Variants in OSBPL10 observed in about 807,000 individuals in gnomAD.
OSBPL10 encodes oxysterol-binding protein-related protein 10.
OSBPL10 carries 49 observed loss-of-function variants against 81.7 expected under a neutral mutation model. The observed-to-expected ratio is 0.60, with a 90% CI of 0.48 to 0.76. The LOEUF (loss-of-function observed/expected upper bound fraction) is 0.76, where lower values mean the gene tolerates loss of function less well. OSBPL10 is among the 30% of genes least tolerant of loss of function. OSBPL10 has a pLI of 0.00. For missense variants in OSBPL10, 923 were observed against 987.8 expected, an observed-to-expected ratio of 0.93 and a Z score of 0.88; for synonymous variants, 419 against 383.6, an observed-to-expected ratio of 1.09 and a Z score of -1.08.
At chr3:31,750,984 G>C (rs930366579) in intron 4 of OSBPL10, among the ~76,000 whole-genome samples, 1 of 152,024 alleles carries the variant, frequency 6.6e-6, no homozygotes, top group Non-Finnish European at 1.5e-5. Context: ...CACGTGCTCA[G>C]AGATGAAATC....
chr3:32,026,023 G>GATAGATAGATAA (rs1699403456), intron 2 of OSBPL10, among the ~76,000 whole-genome samples: 3 of 120,978 alleles, frequency 2.5e-5, no homozygotes, highest in African/African-American at 9.9e-5. Context: ...TAGATAGATA[G>GATAGATAGATAA]ATAGATAGAT....
At chr3:31,969,006 G>A (rs1698481148) in intron 1 of OSBPL10, among the ~76,000 whole-genome samples, 1 of 151,960 alleles carries the variant, frequency 6.6e-6, no homozygotes, top group Admixed American at 6.5e-5. Flanking sequence ...AAACTTTTTA[G>A]AGACGAGGCC....
At chr3:31,760,013 T>C (rs939682063) in intron 4 of OSBPL10, among the ~76,000 whole-genome samples, 1 of 152,142 alleles carries the variant, frequency 6.6e-6, no homozygotes, top group African/African-American at 2.4e-5. Context: ...CTGCCCACCT[T>C]GACCTCGCAA....
At chr3:31,724,458 A>C (rs1479226160) in intron 6 of OSBPL10, among the ~76,000 whole-genome samples, 1 of 152,018 alleles carries the variant, frequency 6.6e-6, no homozygotes, top group African/African-American at 2.4e-5. Context: ...CAGTGTCGAA[A>C]CCCATTAAAA....
chr3:31,990,342 TGAA>T, intron 2 of OSBPL10: 13 of 1,614,114 alleles, frequency 8.1e-6, no homozygotes, highest in South Asian at 2.2e-5. Context: ...GAATCCATAA[TGAA>T]GAGAGATCTT....
chr3:31,882,959 C>G (rs539885522), intron 1 of OSBPL10, among the ~76,000 whole-genome samples: 1 of 152,152 alleles, frequency 6.6e-6, no homozygotes, highest in South Asian at 2.1e-4. Context: ...AACCAAACTC[C>G]CTCAATGAGA....
intron 7 of OSBPL10, among the ~76,000 whole-genome samples, chr3:31,692,299 A>AAATCACAAC: frequency 6.6e-6 from 1 of 152,322 alleles, no homozygotes; most frequent in South Asian, 2.1e-4. Context: ...CCAACCTTCT[A>AAATCACAAC]GGCTGATTGT....
intron 3 of OSBPL10, among the ~76,000 whole-genome samples, chr3:31,841,678 T>G (rs929097427): frequency 6.6e-6 from 1 of 152,250 alleles, no homozygotes; most frequent in African/African-American, 2.4e-5. Context: ...TACTGACTGA[T>G]GCATTCTAGT....
intron 6 of OSBPL10, among the ~76,000 whole-genome samples, chr3:31,725,933 G>GAT (rs1183241731): frequency 6.6e-6 from 1 of 152,192 alleles, no homozygotes; most frequent in Non-Finnish European, 1.5e-5. Context: ...CACACATGGT[G>GAT]TCTTCCCTCA....
At chr3:31,900,985 CTG>C (rs1229169376) in intron 1 of OSBPL10, among the ~76,000 whole-genome samples, 7 of 152,192 alleles carry the variant, frequency 4.6e-5, no homozygotes, top group Non-Finnish European at 8.8e-5. Flanking sequence ...TGGGAAAATG[CTG>C]TGAGAACACT....
Position 31,668,765 on chromosome 3 carries a change from T to C in OSBPL10, c.1973A>G (p.Glu658Gly). The C allele has an allele frequency of 1.9e-6, 3 of 1,614,112 alleles. No homozygotes were observed. Among genetic ancestry groups the C allele is most frequent in the Non-Finnish European group, 2.5e-6 (3 of 1,179,978 alleles). The change falls in exon 10 of 12, where the codon GAA (glutamate) becomes GGA (glycine). Residue 658 changes from glutamate (E) to glycine (G), a missense_variant. Physicochemically the swap from Glu to Gly is moderately conservative, Grantham distance 98. Transcript: ENST00000396556. ...TNTIVCKAHG[E>G]WNGTLEFTYN... ...GGTGAACTCTAAAGTACCATTCCATTCCCCATGGGCTTTACAAACAATGGT... is the reference window on the plus strand; with the variant it reads ...GGTGAACTCTAAAGTACCATTCCATCCCCCATGGGCTTTACAAACAATGGT...
At chr3:32,014,438 A>G (rs1394294556) in intron 2 of OSBPL10, among the ~76,000 whole-genome samples, 3 of 152,210 alleles carry the variant, frequency 2.0e-5, no homozygotes, top group African/African-American at 7.2e-5. Context: ...TATCGATGGG[A>G]TGTATCTTAA....
chr3:31,745,920 T>C (rs1403225782), intron 5 of OSBPL10, among the ~76,000 whole-genome samples: 1 of 152,142 alleles, frequency 6.6e-6, no homozygotes, highest in Non-Finnish European at 1.5e-5. Context: ...AAGCATGAAA[T>C]ATAAAGACTA....
intron 6 of OSBPL10, among the ~76,000 whole-genome samples, chr3:31,731,227 G>T (rs1052200341): frequency 1.3e-5 from 2 of 152,146 alleles, no homozygotes; most frequent in Admixed American, 1.3e-4. Flanking sequence ...TAGAAAAAAT[G>T]AGGGGAGTCT....
At position 32,076,647 on chromosome 3, in the gene OSBPL10, A is replaced by G. The variant is rs142632103; in HGVS notation, n.185+749T>C. The stretch of plus-strand genomic sequence containing the variant: ...AGGGGAATTGCAATAAAGAAAGAGT[A>G]TTTCACACAAAGCCGGCTGTGCGGG... On this transcript the variant is annotated intron_variant and non_coding_transcript_variant, in intron 1 of 3. Transcript: ENST00000479173. Among the ~76,000 whole-genome samples the G allele has an allele frequency of 2.7e-3, 408 of 152,228 alleles. 3 individuals are homozygous for G. Among genetic ancestry groups the G allele is most frequent in the African/African-American group, 9.2e-3 (384 of 41,530 alleles).
chr3:31,914,535 T>C (rs1696690836), intron 1 of OSBPL10, among the ~76,000 whole-genome samples: 1 of 152,194 alleles, frequency 6.6e-6, no homozygotes, highest in South Asian at 2.1e-4. Context: ...GGAACCCACT[T>C]TGGGAAATGT....
chr3:31,876,312 T>G (rs1701468467), intron 3 of OSBPL10, 121 bp downstream of exon 3: 1 of 761,742 alleles, frequency 1.3e-6, no homozygotes, highest in African/African-American at 1.7e-5. Context: ...AAGTAGGAAT[T>G]CCACTGCAGT....
At chr3:31,900,266 C>T (rs1029782866) in intron 1 of OSBPL10, among the ~76,000 whole-genome samples, 2 of 152,090 alleles carry the variant, frequency 1.3e-5, no homozygotes, top group African/African-American at 4.8e-5. Context: ...TGGTCTCGAA[C>T]TCCTCAGCTC....
intron 5 of OSBPL10, among the ~76,000 whole-genome samples, chr3:31,735,393 T>C (rs1357729907): frequency 1.3e-5 from 2 of 152,142 alleles, no homozygotes; most frequent in Non-Finnish European, 2.9e-5. Flanking sequence ...TAAGCGGTGA[T>C]TGCACCACTA....
Sources: gnomAD v4.1 joint callset for allele counts (sites outside exome capture counted in the v4.1 genomes callset) on GRCh38, gnomAD v4.1.1 for gene constraint, MANE v1.5 for transcripts, NCBI Gene and HGNC (gene_info 2026-07-23, HGNC 2026-07-21) for gene names.